The following METTL2B variants were observed in gnomAD, a reference collection of about 807,000 sequenced individuals.
METTL2B encodes the protein tRNA N(3)-cytidine methyltransferase METTL2B.
A neutral mutation model predicts 51.0 loss-of-function variants in METTL2B; 28 were observed. The observed-to-expected ratio is 0.55, with a 90% CI of 0.41 to 0.75. The LOEUF (loss-of-function observed/expected upper bound fraction) is 0.75, where lower values mean the gene tolerates loss of function less well. METTL2B is among the 30% of genes least tolerant of loss of function. METTL2B has a pLI of 0.00. For synonymous variants in METTL2B, 128 were observed against 166.3 expected, an observed-to-expected ratio of 0.77 and a Z score of 1.77; for missense variants, 313 against 460.7, an observed-to-expected ratio of 0.68 and a Z score of 2.93.
Position 128,498,046 on chromosome 7 carries a change from G to T in METTL2B, c.820G>T (p.Ala274Ser), listed in dbSNP as rs752960141. ...CCTGTGTCTCCACAGGATGCAGAAG[G>T]CTATCAACAGGCTGAGCAGGCTTCT... is the stretch of plus-strand genomic sequence containing the variant. The part of the protein sequence containing the change: ...SAVVPDKMQK[A>S]INRLSRLLKP... The change falls in exon 7 of 9, where the codon GCT (alanine) becomes TCT (serine). Residue 274 changes from alanine (A) to serine (S), a missense_variant. Coordinates refer to ENST00000262432, the MANE Select transcript of METTL2B (RefSeq NM_018396.3). 3 of 1,613,814 alleles carry T rather than the reference G, an allele frequency of 1.9e-6. No homozygotes were observed. The South Asian group carries it at 3.3e-5, about 18-fold the overall frequency.
Position 128,505,781 on chromosome 7 carries a change from C to T in METTL2B, c.*3865C>T, listed in dbSNP as rs1793112521. ...TTTGTACAGAAAAGCTTTCTCATAT[C>T]TGATTTACTTGTCTCAATATGGACC... On this transcript the variant is annotated 3_prime_UTR_variant, in exon 9 of 9. Coordinates refer to ENST00000262432, the MANE Select transcript of METTL2B (RefSeq NM_018396.3). 6.6e-6 allele frequency: 1 copy of T among 152,104 alleles called. No homozygotes were observed. Among genetic ancestry groups the T allele is most frequent in the African/African-American group, 2.4e-5 (1 of 41,420 alleles). 9.4% of individuals were successfully genotyped at this position (152,104 alleles called of 1,614,324 possible). A position where few individuals can be genotyped will look rare whatever the true frequency, so the allele number is the denominator to read the frequency against.
intron 8 of METTL2B, chr7:128,501,524 A>G: frequency 2.0e-6 from 2 of 985,436 alleles, no homozygotes; most frequent in Non-Finnish European, 2.4e-6. Context: ...CATAGAGCCT[A>G]AAGGCCAAAT....
intron 4 of METTL2B, chr7:128,484,079 C>G (rs57890423): frequency 0.12 from 18,126 of 151,622 alleles, 1,197 homozygotes; most frequent in Non-Finnish European, 0.14. Flanking sequence ...AGGCGGGTCT[C>G]GAACTCCTGA....
intron 6 of METTL2B, among the ~76,000 whole-genome samples, chr7:128,497,010 T>C (rs573382824): frequency 2.6e-5 from 4 of 152,312 alleles, no homozygotes; most frequent in African/African-American, 9.6e-5. Context: ...CTCGAACTCC[T>C]GATCTCAGGT....
intron 8 of METTL2B, chr7:128,501,452 C>T: frequency 1.0e-6 from 1 of 985,426 alleles, no homozygotes; most frequent in Non-Finnish European, 1.2e-6. Flanking sequence ...GATGATGAAA[C>T]CTCTTTCCTA....
chr7:128,497,885 C>A, intron 6 of METTL2B, 151 bp from the exon 7 acceptor site: 3 of 709,182 alleles, frequency 4.2e-6, no homozygotes, highest in South Asian at 4.1e-5. Context: ...AGCTAACGTC[C>A]TTCAGTTCTA....
intron 4 of METTL2B, among the ~76,000 whole-genome samples, chr7:128,482,636 C>T (rs1799886503): frequency 1.3e-5 from 2 of 151,994 alleles, no homozygotes; most frequent in East Asian, 1.9e-4. Flanking sequence ...TGGGTTCAAG[C>T]GATTCTCCTG....
intron 4 of METTL2B, chr7:128,484,234 T>TTTTGGTTTTGTTTTTG (rs1554428861): frequency 7.9e-6 from 1 of 127,214 alleles, no homozygotes; most frequent in East Asian, 2.5e-4. Context: ...TTTTTTTTTT[T>TTTTGGTTTTGTTTTTG]TTTTTTTTTT....
intron 5 of METTL2B, among the ~76,000 whole-genome samples, chr7:128,492,591 TTTGG>T (rs1390450481): frequency 7.1e-6 from 1 of 141,318 alleles, no homozygotes; most frequent in Non-Finnish European, 1.6e-5. Flanking sequence ...AGATCGTGCT[TTTGG>T]TTTGTTTGTT....
At chr7:128,480,589 A>G in intron 3 of METTL2B, 58 bp from the exon 4 acceptor site, 1 of 1,610,750 alleles carries the variant, frequency 6.2e-7, no homozygotes, top group Non-Finnish European at 8.5e-7. Context: ...TAGCTTTTCT[A>G]GCTTTCGGGA....
In METTL2B at chr7:128,501,682, C is replaced by T. The variant is rs1793032192; in HGVS notation, c.983-80C>T. 2.6e-6 allele frequency: 4 copies of T among 1,556,594 alleles called. No homozygotes were observed. In the African/African-American group the frequency reaches 5.5e-5, roughly 21 times the overall value. On this transcript the variant is annotated intron_variant, in intron 8 of 8. Transcript: ENST00000262432. ...AACACGACAGCAACTTCCCAGAGCCCCATTTAACAAGGACTTAGTAGATAA... is the reference window on the plus strand; with the variant it reads ...AACACGACAGCAACTTCCCAGAGCCTCATTTAACAAGGACTTAGTAGATAA...
Position 128,502,088 on chromosome 7 carries a change from C to T in METTL2B, c.*172C>T, listed in dbSNP as rs952931007. ...AGCCTGGGCAAAATAGCGAGAGACC[C>T]TGAATCTGAAAGTAATGATAAAATA... is the stretch of plus-strand genomic sequence containing the variant. On this transcript the variant is annotated 3_prime_UTR_variant, in exon 9 of 9. Coordinates refer to ENST00000262432, the MANE Select transcript of METTL2B (RefSeq NM_018396.3). 7 of 775,106 alleles carry T rather than the reference C, an allele frequency of 9.0e-6. No homozygotes were observed. The Admixed American group carries it at 1.5e-4, about 16-fold the overall frequency. 48.0% of individuals were successfully genotyped at this position (775,106 alleles called of 1,614,324 possible). A position where few individuals can be genotyped will look rare whatever the true frequency, so the allele number is the denominator to read the frequency against.
At chr7:128,492,908 G>T (rs190785110) in intron 5 of METTL2B, among the ~76,000 whole-genome samples, 1 of 151,626 alleles carries the variant, frequency 6.6e-6, no homozygotes, top group Non-Finnish European at 1.5e-5. Flanking sequence ...GAGCCACTGC[G>T]TGCTTATTTA....
At chr7:128,488,520 G>A (rs761873406) in intron 5 of METTL2B, 1 of 478,650 alleles carries the variant, frequency 2.1e-6, no homozygotes, top group Non-Finnish European at 4.3e-6. Flanking sequence ...TGACGTTACT[G>A]TTGTACTTGG....
At chr7:128,494,732 A>G (rs1249391416) in intron 6 of METTL2B, among the ~76,000 whole-genome samples, 1 of 151,998 alleles carries the variant, frequency 6.6e-6, no homozygotes, top group African/African-American at 2.4e-5. Context: ...AGTTCACACA[A>G]TTGTCCTGCC....
In METTL2B at chr7:128,503,431, T is replaced by C. The variant is rs901963144; in HGVS notation, c.*1515T>C. ...GAATGTGATCACTGTCAGTGTTAGA[T>C]GCTTTTTTTTTTTTTTTTTAGGAGA... is the stretch of plus-strand genomic sequence containing the variant. On this transcript the variant is annotated 3_prime_UTR_variant, in exon 9 of 9. Coordinates refer to ENST00000262432, the MANE Select transcript of METTL2B (RefSeq NM_018396.3). 12 of 136,896 alleles carry C rather than the reference T, an allele frequency of 8.8e-5. No individual in the cohort carries two copies. The highest frequency in any genetic ancestry group is 2.4e-4 in the African/African-American group (9 of 37,270). The allele number at this position is 136,896 out of a possible 1,614,324, so 8.5% of individuals were successfully genotyped here.
rs1038773548 is a variant in METTL2B at position 128,505,707 on chromosome 7, A to G, written c.*3791A>G. The G allele has an allele frequency of 2.0e-4, 31 of 152,172 alleles. 1 individual carries two copies. Among genetic ancestry groups the G allele is most frequent in the Non-Finnish European group, 5.9e-5 (4 of 68,032 alleles). The allele number at this position is 152,172 out of a possible 1,614,324, so 9.4% of individuals were successfully genotyped here. ...GTCTGAATAACTATGATAGTTGCCA[A>G]ATAGTGGTTTCTGATCCTTCCATTC... On this transcript the variant is annotated 3_prime_UTR_variant, in exon 9 of 9. Transcript: ENST00000262432.
At chr7:128,481,336 C>G (rs1018332024) in intron 4 of METTL2B, among the ~76,000 whole-genome samples, 2 of 152,142 alleles carry the variant, frequency 1.3e-5, no homozygotes, top group Non-Finnish European at 2.9e-5. Flanking sequence ...GGGTTCGGTC[C>G]CAGAAGACTG....
chr7:128,477,136 G>A lies in METTL2B; in HGVS notation c.165G>A (p.Gln55=). 2 of 1,614,066 alleles carry A rather than the reference G, an allele frequency of 1.2e-6. No homozygotes were observed. The highest frequency in any genetic ancestry group is 1.7e-6 in the Non-Finnish European group (2 of 1,179,946). ...CCGCGGCGGCGGAGAGAAAAGTCCA[G>A]GAGAACAGTATCCAGCGGGTGTGCC... ...EQAAAAERKV[Q]ENSIQRVCQE... The change falls in exon 2 of 9, where the codon CAG becomes CAA. Residue 55 remains glutamine, a synonymous_variant. Coordinates refer to ENST00000262432, the MANE Select transcript of METTL2B (RefSeq NM_018396.3).
Sources: allele counts gnomAD v4.1 joint callset (sites outside exome capture counted in the v4.1 genomes callset), GRCh38; gene constraint gnomAD v4.1.1; transcripts MANE v1.5; gene names NCBI Gene and HGNC (gene_info 2026-07-23, HGNC 2026-07-21).